NCAPD3: variants seen among roughly 807,000 people sequenced by gnomAD.
NCAPD3 encodes the protein condensin-2 complex subunit D3.
In NCAPD3, 105 loss-of-function variants were observed where a neutral mutation model predicts 182.9. The observed-to-expected ratio is 0.57, with a 90% CI of 0.49 to 0.68. NCAPD3 has a LOEUF of 0.68. Among genes scored for constraint, NCAPD3 ranks in the 30% least tolerant of loss-of-function variants. The probability of loss-of-function intolerance (pLI) is 0.00; values close to 1 mark genes in which losing one functional copy is unlikely to be tolerated. For synonymous variants in NCAPD3, 815 were observed against 679.9 expected (o/e 1.20, Z -3.09); for missense variants, 1,944 against 1,837.0 (o/e 1.06, Z -1.07).
intron 24 of NCAPD3, 97 bp downstream of exon 24, chr11:134,176,210 C>G: frequency 9.2e-7 from 1 of 1,087,016 alleles, no homozygotes; most frequent in South Asian, 1.5e-5. Context: ...TCACTAAATC[C>G]TACTTAACTC....
At chr11:134,202,721 G>GAAAAAA in intron 13 of NCAPD3, 95 bp downstream of exon 13, 1 of 765,872 alleles carries the variant, frequency 1.3e-6, no homozygotes, top group Admixed American at 3.4e-5. Context: ...GAATAAATCA[G>GAAAAAA]AAAAAAAAAA....
chr11:134,186,528 G>T (rs901625817), intron 16 of NCAPD3, among the ~76,000 whole-genome samples: 3 of 152,146 alleles, frequency 2.0e-5, no homozygotes, highest in African/African-American at 7.2e-5. Flanking sequence ...TGTTGTTTTA[G>T]AACTATCTCT....
At chr11:134,186,360 G>A (rs902015758) in intron 16 of NCAPD3, among the ~76,000 whole-genome samples, 5 of 151,970 alleles carry the variant, frequency 3.3e-5, no homozygotes, top group African/African-American at 1.2e-4. Flanking sequence ...ACCATACCTG[G>A]CTAATTTCTC....
chr11:134,182,195 C>A (rs1944313125), intron 19 of NCAPD3, among the ~76,000 whole-genome samples: 1 of 152,150 alleles, frequency 6.6e-6, no homozygotes, highest in Non-Finnish European at 1.5e-5. Flanking sequence ...GGAAAGCTGA[C>A]AAGGCCACCC....
chr11:134,219,663 GT>G (rs1383442778), intron 2 of NCAPD3, among the ~76,000 whole-genome samples: 1 of 151,636 alleles, frequency 6.6e-6, no homozygotes, highest in Non-Finnish European at 1.5e-5. Flanking sequence ...CAACCCTTTG[GT>G]TTTTTTTGAA....
intron 13 of NCAPD3, among the ~76,000 whole-genome samples, chr11:134,197,335 C>T (rs545145975): frequency 4.4e-5 from 6 of 135,326 alleles, no homozygotes; most frequent in East Asian, 4.4e-4. Context: ...GGAGTGCAGT[C>T]GCATGATATT....
At chr11:134,164,561 G>A (rs978730762) in intron 27 of NCAPD3, among the ~76,000 whole-genome samples, 2 of 152,144 alleles carry the variant, frequency 1.3e-5, no homozygotes, top group Non-Finnish European at 2.9e-5. Context: ...TGTGAAATGA[G>A]CTTAGGGGAG....
intron 27 of NCAPD3, among the ~76,000 whole-genome samples, chr11:134,162,990 T>C (rs779859450): frequency 4.6e-5 from 7 of 152,078 alleles, no homozygotes; most frequent in Non-Finnish European, 1.0e-4. Context: ...GTGAGGGCGC[T>C]GCAGACTTTA....
chr11:134,155,019 T>TA (rs1209599641), intron 32 of NCAPD3, among the ~76,000 whole-genome samples: 1 of 152,128 alleles, frequency 6.6e-6, no homozygotes, highest in Non-Finnish European at 1.5e-5. Context: ...TCCAGGAAAT[T>TA]AGTCTCCCAT....
intron 3 of NCAPD3, 115 bp downstream of exon 3, chr11:134,216,821 G>T: frequency 1.0e-6 from 1 of 998,958 alleles, no homozygotes; most frequent in Non-Finnish European, 1.4e-6. Flanking sequence ...TCTCTGCCAT[G>T]GGTTAGCACT....
rs1307429793 is a variant in NCAPD3 at position 134,152,132 on chromosome 11, A to AAGAG, written c.*808_*811dup. 2 of 152,374 alleles carry AAGAG rather than the reference A, an allele frequency of 1.3e-5. No homozygotes were observed. Among genetic ancestry groups the AAGAG allele is most frequent in the African/African-American group, 4.8e-5 (2 of 41,588 alleles). 9.4% of individuals were successfully genotyped at this position (152,374 alleles called of 1,614,324 possible). A position where few individuals can be genotyped will look rare whatever the true frequency, so the allele number is the denominator to read the frequency against. ...TCAGTTTACCCACTAGTGCTAACAG[A>AAGAG]AGAGACTCAAGCTGTTCCCCCATCA... On this transcript the variant is annotated 3_prime_UTR_variant, in exon 35 of 35. Coordinates refer to ENST00000534548, the MANE Select transcript of NCAPD3 (RefSeq NM_015261.3).
Position 134,203,710 on chromosome 11 carries a change from C to T in NCAPD3, c.1412G>A (p.Cys471Tyr), listed in dbSNP as rs146266771. The change falls in exon 11 of 35, where the codon TGT becomes TAT. Residue 471 changes from cysteine to tyrosine, a missense_variant. Cys to Tyr is a radical substitution (Grantham distance 194, BLOSUM62 -2). Transcript: ENST00000534548. ...CGCACTGGTAACAGTCAACTCCAGA[C>T]AGTGTGCAAAGCTGGACAGTGCCTT... ...RSKALSSFAH[C>Y]LELTVTSASE... is the part of the protein sequence containing the mutation. 2.9e-5 allele frequency: 46 copies of T among 1,614,012 alleles called. No homozygotes were observed. Among genetic ancestry groups the T allele is most frequent in the Middle Eastern group, 1.7e-4 (1 of 6,058 alleles).
At chr11:134,208,809 G>T in intron 7 of NCAPD3, 55 bp downstream of exon 7, 2 of 1,163,334 alleles carry the variant, frequency 1.7e-6, no homozygotes, top group Non-Finnish European at 2.5e-6. Context: ...TCCATCATAT[G>T]GTTCATGTGC....
At chr11:134,223,701 GC>G (rs1162163435) in intron 1 of NCAPD3, among the ~76,000 whole-genome samples, 161 bp downstream of exon 1, 1 of 152,206 alleles carries the variant, frequency 6.6e-6, no homozygotes, top group Non-Finnish European at 1.5e-5. Flanking sequence ...AACCTGGCTA[GC>G]CGCAATCCTG....
chr11:134,160,302 G>A (rs1449441611), intron 28 of NCAPD3, among the ~76,000 whole-genome samples: 1 of 152,142 alleles, frequency 6.6e-6, no homozygotes. Context: ...TTCCATTCCA[G>A]TAACTAACAG....
At chr11:134,163,990 G>T (rs1348305798) in intron 27 of NCAPD3, among the ~76,000 whole-genome samples, 1 of 152,094 alleles carries the variant, frequency 6.6e-6, no homozygotes, top group Non-Finnish European at 1.5e-5. Context: ...CCATGGAAAT[G>T]GGATAAGCTT....
intron 1 of NCAPD3, chr11:134,223,151 A>C (rs927262977): frequency 3.0e-5 from 14 of 464,998 alleles, no homozygotes; most frequent in African/African-American, 2.5e-4. Flanking sequence ...GGAAACATTA[A>C]AGGTGTACAG....
At chr11:134,161,912 A>G in intron 27 of NCAPD3, 21 bp from the exon 28 acceptor site, 1 of 1,286,966 alleles carries the variant, frequency 7.8e-7, no homozygotes, top group Non-Finnish European at 1.1e-6. Flanking sequence ...AAACAAAGAC[A>G]TGTTTTAGAT....
Position 134,177,299 on chromosome 11 carries a change from G to C in NCAPD3, c.2941C>G (p.Pro981Ala). Residue 981 changes from proline to alanine, a missense_variant, in exon 23 of 35, where the codon CCC becomes GCC. Pro to Ala is a conservative substitution (Grantham distance 27). Around this residue, in one of 3 missense-constraint regions of NCAPD3, gnomAD observed 1,803 missense variants for 1,674.6 expected, o/e 1.08. Coordinates refer to ENST00000534548, the MANE Select transcript of NCAPD3 (RefSeq NM_015261.3). ...TCCTTCAGACACATGGAGATGTTGG[G>C]AATATACTTGTCCACCATGATGGTG... ...RYTIMVDKYI[P>A]NISMCLKDSD... 3.1e-6 allele frequency: 5 copies of C among 1,614,206 alleles called. No individual in the cohort carries two copies. The highest frequency in any genetic ancestry group is 4.2e-6 in the Non-Finnish European group (5 of 1,180,038).
Sources: gnomAD v4.1 joint callset for allele counts (sites outside exome capture counted in the v4.1 genomes callset) on GRCh38, gnomAD v4.1.1 for gene constraint, gnomAD v4.1.1 regional missense constraint, MANE v1.5 for transcripts, NCBI Gene and HGNC (gene_info 2026-07-23, HGNC 2026-07-21) for gene names.